USP49: variants seen among roughly 807,000 people sequenced by gnomAD.
USP49 encodes the protein ubiquitin carboxyl-terminal hydrolase 49.
A neutral mutation model predicts 58.6 loss-of-function variants in USP49; 24 were observed. The ratio of observed to expected loss-of-function variants is 0.41; its 90% CI spans 0.30 to 0.58. The LOEUF is 0.58. Ranked by LOEUF, USP49 falls within the 20% of genes least tolerant of loss-of-function variation. The pLI, the probability that USP49 is intolerant of heterozygous loss-of-function variation, is 0.30. For missense variants in USP49, 703 were observed against 866.1 expected, an observed-to-expected ratio of 0.81 and a Z score of 2.36; for synonymous variants, 408 against 365.1, an observed-to-expected ratio of 1.12 and a Z score of -1.34.
At chr6:41,877,866 G>A (rs368958285) in intron 2 of USP49, among the ~76,000 whole-genome samples, 19 of 152,154 alleles carry the variant, frequency 1.2e-4, no homozygotes, top group African/African-American at 4.1e-4. Context: ...GCTGGGCTGA[G>A]GACCCCATTT....
At chr6:41,822,848 T>G (rs1046921272) in intron 3 of USP49, among the ~76,000 whole-genome samples, 1 of 151,726 alleles carries the variant, frequency 6.6e-6, no homozygotes, top group African/African-American at 2.4e-5. Context: ...TTTAAGTACT[T>G]GGTTTCAAGA....
At chr6:41,830,866 T>C (rs1412987710) in intron 3 of USP49, among the ~76,000 whole-genome samples, 2 of 151,576 alleles carry the variant, frequency 1.3e-5, no homozygotes, top group African/African-American at 4.8e-5. Flanking sequence ...GAAGCACCAG[T>C]GCTGACTGGC....
intron 2 of USP49, among the ~76,000 whole-genome samples, chr6:41,887,064 C>T (rs770392902): frequency 6.6e-6 from 1 of 152,172 alleles, no homozygotes; most frequent in African/African-American, 2.4e-5. Context: ...TATGACATAT[C>T]CTACACATCT....
chr6:41,867,772 CCAAA>C (rs758230141), intron 3 of USP49, among the ~76,000 whole-genome samples: 35 of 151,472 alleles, frequency 2.3e-4, no homozygotes, highest in African/African-American at 3.6e-4. Context: ...CAAACAAAAA[CCAAA>C]CAAACAAACA....
chr6:41,857,427 T>C (rs1244358540), intron 3 of USP49, among the ~76,000 whole-genome samples: 1 of 152,140 alleles, frequency 6.6e-6, no homozygotes, highest in Non-Finnish European at 1.5e-5. Flanking sequence ...GGTGCATCGC[T>C]TAAGCTCAGG....
chr6:41,889,421 CCTAA>C (rs543804263), intron 2 of USP49, among the ~76,000 whole-genome samples: 135 of 152,286 alleles, frequency 8.9e-4, no homozygotes, highest in African/African-American at 3.2e-3. Flanking sequence ...ATGTATTTCA[CCTAA>C]CTATTTCTTG....
chr6:41,848,393 C>T (rs908163599), intron 3 of USP49, among the ~76,000 whole-genome samples: 1 of 150,900 alleles, frequency 6.6e-6, no homozygotes, highest in South Asian at 2.1e-4. Flanking sequence ...TTTAGATAGG[C>T]TCGCACGCTG....
chr6:41,887,481 AG>A (rs1326258464), intron 2 of USP49, among the ~76,000 whole-genome samples: 1 of 152,248 alleles, frequency 6.6e-6, no homozygotes. Flanking sequence ...GGTGGGGAAC[AG>A]GATAGAAAAC....
At chr6:41,855,342 C>T (rs1327018157) in intron 3 of USP49, among the ~76,000 whole-genome samples, 1 of 151,596 alleles carries the variant, frequency 6.6e-6, no homozygotes, top group Non-Finnish European at 1.5e-5. Context: ...TGGTGAAATC[C>T]CGTCTCTACT....
intron 3 of USP49, among the ~76,000 whole-genome samples, chr6:41,814,804 T>C (rs951755517): frequency 3.9e-5 from 6 of 152,210 alleles, no homozygotes; most frequent in African/African-American, 1.4e-4. Flanking sequence ...GTAGACACTA[T>C]GGTAACATGC....
chr6:41,820,015 G>C (rs1368968275), intron 3 of USP49, among the ~76,000 whole-genome samples: 1 of 152,122 alleles, frequency 6.6e-6, no homozygotes, highest in East Asian at 1.9e-4. Context: ...AGGCAAGTGG[G>C]AGTGGATTTG....
chr6:41,851,970 A>C (rs542156229), intron 3 of USP49, among the ~76,000 whole-genome samples: 1 of 150,596 alleles, frequency 6.6e-6, no homozygotes, highest in South Asian at 2.1e-4. Flanking sequence ...AAAAAAAAAA[A>C]AAAAAAGAAA....
At chr6:41,880,911 G>A (rs1461473497) in intron 2 of USP49, among the ~76,000 whole-genome samples, 1 of 151,892 alleles carries the variant, frequency 6.6e-6, no homozygotes, top group East Asian at 1.9e-4. Context: ...AACCTACACA[G>A]ATTTTTATTT....
In USP49 at chr6:41,798,722, A is replaced by C. The variant is rs759744439; in HGVS notation, c.1876+2T>G. 1 of 1,613,974 alleles carries C rather than the reference A, an allele frequency of 6.2e-7. No individual in the cohort carries two copies. The highest frequency in any genetic ancestry group is 1.7e-5 in the Admixed American group (1 of 59,994). ...CCACCCCACAGAGTAAAGCGCACGCACCTCCCTCTGTGTTGTAGCAATAGG... is the reference window on the plus strand; with the variant it reads ...CCACCCCACAGAGTAAAGCGCACGCCCCTCCCTCTGTGTTGTAGCAATAGG... On this transcript the variant is annotated splice_donor_variant, in intron 7 of 7. Transcript: ENST00000682992. LOFTEE classifies it high-confidence loss of function.
intron 6 of USP49, 133 bp downstream of exon 6, chr6:41,799,697 C>T (rs1772960491): frequency 6.8e-6 from 5 of 738,192 alleles, no homozygotes; most frequent in Non-Finnish European, 1.1e-5. Context: ...GTTTAATCTC[C>T]ATGGAAAACA....
intron 3 of USP49, among the ~76,000 whole-genome samples, chr6:41,817,336 C>G (rs1302817069): frequency 6.6e-6 from 1 of 150,394 alleles, no homozygotes; most frequent in East Asian, 2.0e-4. Context: ...TGAGTAGTGA[C>G]TGGGTTTCAC....
At chr6:41,826,187 C>A (rs1348228177) in intron 3 of USP49, among the ~76,000 whole-genome samples, 1 of 152,042 alleles carries the variant, frequency 6.6e-6, no homozygotes, top group Non-Finnish European at 1.5e-5. Context: ...ATCAATTGAG[C>A]CCAGGAGGCA....
Position 41,791,029 on chromosome 6 carries a change from TTCTTTATAG to T in USP49, c.*5495_*5503del, listed in dbSNP as rs1772789010. ...AGACAAGAAATACCAGCACCTCCTG[TTCTTTATAG>T]GAATGAAACTTAGATCCTTAAAGGC... On this transcript the variant is annotated 3_prime_UTR_variant, in exon 8 of 8. Coordinates refer to ENST00000682992, the MANE Select transcript of USP49 (RefSeq NM_001286554.2). 6.6e-6 allele frequency: 1 copy of T among 152,222 alleles called. No homozygotes were observed. The highest frequency in any genetic ancestry group is 2.4e-5 in the African/African-American group (1 of 41,458). The allele number at this position is 152,222 out of a possible 1,614,324, so 9.4% of individuals were successfully genotyped here.
chr6:41,866,076 C>T (rs1213026927), intron 3 of USP49, among the ~76,000 whole-genome samples: 6 of 151,666 alleles, frequency 4.0e-5, no homozygotes, highest in African/African-American at 1.5e-4. Flanking sequence ...CGCCCACCAC[C>T]ACGTCCCACC....
Sources: gnomAD v4.1 joint callset for allele counts (sites outside exome capture counted in the v4.1 genomes callset) on GRCh38, gnomAD v4.1.1 for gene constraint, MANE v1.5 for transcripts, NCBI Gene and HGNC (gene_info 2026-07-23, HGNC 2026-07-21) for gene names.